STAG2: variants seen among roughly 807,000 people sequenced by gnomAD.
STAG2 encodes STAG2 cohesin complex component, also known as cohesin subunit SA-2.
Under a neutral mutation model 108.1 loss-of-function variants are expected in STAG2, and 14 were observed. That is an observed-to-expected ratio of 0.13 (90% CI 0.09 to 0.20). The LOEUF (loss-of-function observed/expected upper bound fraction) is 0.20, where lower values mean the gene tolerates loss of function less well. Ranked by LOEUF, STAG2 falls within the 10% of genes least tolerant of loss-of-function variation. STAG2 has a pLI of 1.00. For synonymous variants in STAG2, 307 were observed against 302.7 expected (o/e 1.01, Z -0.15); for missense variants, 440 against 940.9 (o/e 0.47, Z 6.96).
chrX:124,011,373 C>G (rs1027382511), intron 1 of STAG2, among the ~76,000 whole-genome samples: 1 of 111,031 alleles, frequency 9.0e-6, no homozygotes, highest in African/African-American at 3.3e-5. Flanking sequence ...TTATTTGTTA[C>G]TTTTCCTGCC....
chrX:123,998,842 G>A (rs945850545), intron 1 of STAG2, among the ~76,000 whole-genome samples: 5 of 111,761 alleles, frequency 4.5e-5, no homozygotes, highest in East Asian at 2.8e-4. Flanking sequence ...AAACCAGGCC[G>A]GACATAGTGG....
Position 124,013,644 on chromosome X carries a change from C to T in STAG2, c.-162-7723C>T, listed in dbSNP as rs187796036. The stretch of plus-strand genomic sequence containing the variant: ...AATATGTCAACTATAATATGGTATC[C>T]AGTGTCTAGCAGCAGCCAGTGCCAG... On this transcript the variant is annotated intron_variant, in intron 1 of 34. Transcript: ENST00000371145. 5.4e-5 allele frequency among the ~76,000 whole-genome samples: 6 copies of T among 111,065 alleles called. No homozygotes were observed. In the East Asian group the frequency reaches 1.7e-3, roughly 32 times the overall value.
At position 123,987,021 on chromosome X, in the gene STAG2, C is replaced by T. The variant is rs973018449; in HGVS notation, c.-163+25165C>T. 1.3e-4 allele frequency among the ~76,000 whole-genome samples: 14 copies of T among 109,379 alleles called. No individual in the cohort carries two copies. The Admixed American group carries it at 1.4e-3, about 11-fold the overall frequency. 95.0% of individuals were successfully genotyped at this position (109,379 alleles called of 115,157 possible). ...TTTTTTAATTTTTTTTAGACGGAGT[C>T]TCGCTCTGTCACCCAGGCTGGAGTG... On this transcript the variant is annotated intron_variant, in intron 1 of 34. Coordinates refer to ENST00000371145, the MANE Select transcript of STAG2 (RefSeq NM_001042750.2).
chrX:123,996,260 A>C (rs922758819), intron 1 of STAG2, among the ~76,000 whole-genome samples: 6 of 112,521 alleles, frequency 5.3e-5, no homozygotes, highest in African/African-American at 1.9e-4. Flanking sequence ...CATAGAATTA[A>C]ATATTAAATA....
intron 34 of STAG2, among the ~76,000 whole-genome samples, chrX:124,099,512 T>C (rs1336480695): frequency 9.0e-6 from 1 of 110,951 alleles, no homozygotes; most frequent in Non-Finnish European, 1.9e-5. Flanking sequence ...AGGTAAGAAA[T>C]TGGGTGCACG....
chrX:124,038,135 G>A (rs911034054), intron 6 of STAG2, among the ~76,000 whole-genome samples: 1 of 112,388 alleles, frequency 8.9e-6, no homozygotes, highest in African/African-American at 3.2e-5. Flanking sequence ...TCTTTAAAGT[G>A]TTTTCACTTT....
At chrX:123,970,234 C>G (rs991884003) in intron 1 of STAG2, among the ~76,000 whole-genome samples, 2 of 109,835 alleles carry the variant, frequency 1.8e-5, no homozygotes, top group African/African-American at 6.6e-5. Flanking sequence ...ATATTTCCCC[C>G]TTTGTATTCC....
intron 19 of STAG2, 130 bp from the exon 20 acceptor site, chrX:124,063,718 C>T (rs935141168): frequency 2.0e-6 from 1 of 488,319 alleles, no homozygotes; most frequent in Non-Finnish European, 3.5e-6. Context: ...AGAAAAGCAC[C>T]TTAAAATGTA....
At chrX:124,096,504 T>G (rs2059382852) in intron 34 of STAG2, among the ~76,000 whole-genome samples, 1 of 111,608 alleles carries the variant, frequency 9.0e-6, no homozygotes. Flanking sequence ...TTTAACTGTT[T>G]GTACACACTT....
chrX:124,015,571 A>C (rs182442485), intron 1 of STAG2, among the ~76,000 whole-genome samples: 1 of 107,784 alleles, frequency 9.3e-6, no homozygotes. Context: ...TTTAGTAGAG[A>C]TGGGGTTTCA....
At chrX:124,089,487 G>A (rs1343967747) in intron 30 of STAG2, among the ~76,000 whole-genome samples, 2 of 111,216 alleles carry the variant, frequency 1.8e-5, no homozygotes, top group African/African-American at 6.5e-5. Flanking sequence ...CTGCTCAGTG[G>A]TCTGCATCCC....
intron 6 of STAG2, among the ~76,000 whole-genome samples, chrX:124,041,909 G>C (rs1321646680): frequency 9.0e-6 from 1 of 111,649 alleles, no homozygotes; most frequent in East Asian, 2.8e-4. Flanking sequence ...TTTCTGGTGG[G>C]TATGGAGTGG....
rs768551925 is a variant in STAG2, at chrX:124,047,241, T to G, written c.668-113T>G. 267 of 588,446 alleles carry G rather than the reference T, an allele frequency of 4.5e-4. 1 individual carries two copies. In the East Asian group the frequency reaches 9.0e-3, roughly 20 times the overall value. 48.5% of individuals were successfully genotyped at this position (588,446 alleles called of 1,213,427 possible). On this transcript the variant is annotated intron_variant, in intron 8 of 34. Transcript: ENST00000371145. ...GTCATTTGTAGCAGCTGCATCTTTCTTTTGTTAGAAGCAGATTAGCTCATT... is the reference window on the plus strand; with the variant it reads ...GTCATTTGTAGCAGCTGCATCTTTCGTTTGTTAGAAGCAGATTAGCTCATT...
At chrX:123,999,932 T>A (rs75771585) in intron 1 of STAG2, among the ~76,000 whole-genome samples, 5 of 108,338 alleles carry the variant, frequency 4.6e-5, no homozygotes. Context: ...TTTTTTTTTT[T>A]ATTTTTTGTA....
chrX:124,077,099 A>G (rs1173616393), intron 26 of STAG2, among the ~76,000 whole-genome samples: 1 of 111,767 alleles, frequency 8.9e-6, no homozygotes, highest in East Asian at 2.8e-4. Flanking sequence ...CTAATTATAA[A>G]TGTAAACTTT....
Position 124,065,876 on chromosome X carries a change from G to A in STAG2, c.2026G>A (p.Gly676Ser). ...CTTAATGTATAATTAATATTTATAG[G>A]GTGAAGAACCTGATGAAGATGATGC... ...NRLLEDFLQE[G>S]EEPDEDDAYQ... Residue 676 changes from glycine to serine, a missense_variant and splice_region_variant, in exon 21 of 35, where the codon GGT becomes AGT. Transcript: ENST00000371145. 8.7e-7 allele frequency: 1 copy of A among 1,147,823 alleles called. No homozygotes were observed. Among genetic ancestry groups the A allele is most frequent in the South Asian group, 2.1e-5 (1 of 47,773 alleles). 94.6% of individuals were successfully genotyped at this position (1,147,823 alleles called of 1,213,427 possible).
At chrX:124,010,601 CACTT>C (rs2056490545) in intron 1 of STAG2, among the ~76,000 whole-genome samples, 1 of 111,530 alleles carries the variant, frequency 9.0e-6, no homozygotes, top group African/African-American at 3.3e-5. Flanking sequence ...AGTAAGTTCT[CACTT>C]AGTGCCGTTC....
intron 1 of STAG2, among the ~76,000 whole-genome samples, chrX:124,010,005 TATATG>T (rs2056467211): frequency 9.0e-6 from 1 of 111,588 alleles, no homozygotes; most frequent in Non-Finnish European, 1.9e-5. Flanking sequence ...GATCAGTAGT[TATATG>T]GTATGTGGTA....
intron 25 of STAG2, among the ~76,000 whole-genome samples, 158 bp from the exon 26 acceptor site, chrX:124,076,174 T>G (rs1269810581): frequency 8.9e-6 from 1 of 112,274 alleles, no homozygotes; most frequent in Non-Finnish European, 1.9e-5. Context: ...CACAAAAATT[T>G]AGTCTATTGG....
Sources: allele counts gnomAD v4.1 joint callset (sites outside exome capture counted in the v4.1 genomes callset), GRCh38; gene constraint gnomAD v4.1.1; transcripts MANE v1.5; gene names NCBI Gene and HGNC (gene_info 2026-07-23, HGNC 2026-07-21).